Variants in RAD23A observed in about 807,000 individuals in gnomAD.
RAD23A encodes RAD23 nucleotide excision repair protein A.
Under a neutral mutation model 44.8 loss-of-function variants are expected in RAD23A, and 16 were observed. The ratio of observed to expected loss-of-function variants is 0.36; its 90% CI spans 0.24 to 0.54. The LOEUF (loss-of-function observed/expected upper bound fraction) is 0.54, where lower values mean the gene tolerates loss of function less well. Among genes scored for constraint, RAD23A ranks in the 20% least tolerant of loss-of-function variants. The pLI is 0.89. For synonymous variants in RAD23A, 217 were observed against 202.9 expected (o/e 1.07, Z -0.59); for missense variants, 380 against 483.3 (o/e 0.79, Z 2.00).
intron 1 of RAD23A, among the ~76,000 whole-genome samples, chr19:12,947,301 C>T (rs1445677334): frequency 6.6e-6 from 1 of 152,058 alleles, no homozygotes; most frequent in Admixed American, 6.6e-5. Flanking sequence ...GTGGTGTGTA[C>T]CTTTAGTCCT....
At chr19:12,946,420 C>T (rs1971675501) in intron 1 of RAD23A, among the ~76,000 whole-genome samples, 2 of 152,222 alleles carry the variant, frequency 1.3e-5, no homozygotes, top group South Asian at 4.1e-4. Flanking sequence ...CCAGGAGATA[C>T]TGAGTAGTGA....
intron 7 of RAD23A, among the ~76,000 whole-genome samples, chr19:12,950,209 T>G (rs1971772263): frequency 6.6e-6 from 1 of 152,038 alleles, no homozygotes; most frequent in African/African-American, 2.4e-5. Context: ...CTCCCCGATC[T>G]CTGCAAGGAT....
chr19:12,945,866 C>T lies in RAD23A; in HGVS notation c.-83C>T. The T allele has an allele frequency of 4.1e-6, 6 of 1,466,834 alleles. No homozygotes were observed. In the Admixed American group the frequency reaches 9.0e-5, roughly 22 times the overall value. 90.9% of individuals were successfully genotyped at this position (1,466,834 alleles called of 1,614,324 possible). A position where few individuals can be genotyped will look rare whatever the true frequency, so the allele number is the denominator to read the frequency against. On this transcript the variant is annotated 5_prime_UTR_variant, in exon 1 of 9. Transcript: ENST00000586534. ...CGGAAGTGGTCGGCGCGCGGCGCGG[C>T]GCGCCTGGGCGCTAAGATGGCGGCG...
At position 12,945,971 on chromosome 19, in the gene RAD23A, A is replaced by G. The variant is rs1312576686; in HGVS notation, c.23A>G (p.Lys8Arg). Reference protein sequence around the residue: MAVTITLKTLQQQTFKIR... With the variant: MAVTITLRTLQQQTFKIR... ...GCCATGGCCGTCACCATCACGCTCA[A>G]AACGCTGCAGCAGCAGACCTTCAAG... Residue 8 changes from lysine to arginine, a missense_variant, in exon 1 of 9, where the codon AAA (lysine) becomes AGA (arginine). Physicochemically the swap from Lys to Arg is conservative, Grantham distance 26. Around this residue, in one of 3 missense-constraint regions of RAD23A, gnomAD observed 70 missense variants for 106.0 expected, o/e 0.66. Transcript: ENST00000586534. The G allele has an allele frequency of 1.9e-6, 3 of 1,607,832 alleles. No individual in the cohort carries two copies. The highest frequency in any genetic ancestry group is 3.3e-5 in the Admixed American group (2 of 59,882).
chr19:12,946,845 C>G (rs1438804842), intron 1 of RAD23A, among the ~76,000 whole-genome samples: 1 of 152,018 alleles, frequency 6.6e-6, no homozygotes. Flanking sequence ...TTTTTTGATC[C>G]GCTCAAGTGT....
In RAD23A at chr19:12,945,892, G is replaced by C; in HGVS notation, c.-57G>C. 6.4e-7 allele frequency: 1 copy of C among 1,566,836 alleles called. No individual in the cohort carries two copies. The highest frequency in any genetic ancestry group is 1.7e-5 in the Admixed American group (1 of 59,102). On this transcript the variant is annotated 5_prime_UTR_variant, in exon 1 of 9. Transcript: ENST00000586534. ...GCGCCTGGGCGCTAAGATGGCGGCG[G>C]CGTGAGTTGCATGTTGTGTGAGGAT...
chr19:12,947,753 T>G, intron 1 of RAD23A, 95 bp from the exon 2 acceptor site: 2 of 1,295,626 alleles, frequency 1.5e-6, no homozygotes, highest in East Asian at 2.3e-5. Flanking sequence ...CGTGCTTGCC[T>G]TTCTGCCATC....
chr19:12,951,608 T>G (rs988662764), intron 7 of RAD23A, among the ~76,000 whole-genome samples: 1 of 151,756 alleles, frequency 6.6e-6, no homozygotes, highest in Non-Finnish European at 1.5e-5. Context: ...CACCACGCCC[T>G]GCTAATTTTA....
chr19:12,947,823 T>G, intron 1 of RAD23A, 25 bp from the exon 2 acceptor site: 1 of 1,609,996 alleles, frequency 6.2e-7, no homozygotes. Context: ...GGGTCTCCAG[T>G]GACTGTCTGT....
chr19:12,951,097 C>A (rs1405701444), intron 7 of RAD23A, among the ~76,000 whole-genome samples: 2 of 152,266 alleles, frequency 1.3e-5, no homozygotes, highest in Admixed American at 1.3e-4. Flanking sequence ...AAATGAACTT[C>A]CAGATACCTA....
Position 12,948,597 on chromosome 19 carries a change from C to T in RAD23A, c.472+45C>T. ...GGCAGAGGTGACTGGGTGCCCCAGCCATCAGCTGGGCCTTGTCTGGGTGCG... is the reference window on the plus strand; with the variant it reads ...GGCAGAGGTGACTGGGTGCCCCAGCTATCAGCTGGGCCTTGTCTGGGTGCG... On this transcript the variant is annotated intron_variant, in intron 4 of 8. Transcript: ENST00000586534. This position sits in a 1 kb window ranked among gnomAD's most constrained non-coding sequence, Gnocchi z 5.5. The T allele has an allele frequency of 6.4e-7, 1 of 1,574,164 alleles. No individual in the cohort carries two copies. Among genetic ancestry groups the T allele is most frequent in the Non-Finnish European group, 8.6e-7 (1 of 1,159,652 alleles).
intron 8 of RAD23A, 32 bp downstream of exon 8, chr19:12,952,885 T>G (rs909550017): frequency 5.6e-6 from 9 of 1,605,002 alleles, no homozygotes; most frequent in Non-Finnish European, 7.7e-6. Flanking sequence ...TGACTGCAGG[T>G]GGGCAGGACC....
chr19:12,951,638 A>G (rs1217067033), intron 7 of RAD23A, among the ~76,000 whole-genome samples: 1 of 151,804 alleles, frequency 6.6e-6, no homozygotes, highest in Non-Finnish European at 1.5e-5. Context: ...TAGAGATGGG[A>G]TTTCTCCATG....
chr19:12,951,810 A>G (rs1971820072), intron 7 of RAD23A, among the ~76,000 whole-genome samples: 1 of 152,146 alleles, frequency 6.6e-6, no homozygotes, highest in Admixed American at 6.5e-5. Context: ...GGGCCTTTGC[A>G]CTTGCTGTTT....
At chr19:12,951,937 C>T (rs918034734) in intron 7 of RAD23A, among the ~76,000 whole-genome samples, 1 of 151,638 alleles carries the variant, frequency 6.6e-6, no homozygotes, top group African/African-American at 2.4e-5. Context: ...TATTGGCTCA[C>T]TCACTTATTT....
chr19:12,948,935 C>T lies in RAD23A; in HGVS notation c.600+122C>T. ...AGCCTTTGGGTAGTGATTCTAGCCACTAAAGGCTTCCCACAGGAGGCTGGA... is the reference window on the plus strand; with the variant it reads ...AGCCTTTGGGTAGTGATTCTAGCCATTAAAGGCTTCCCACAGGAGGCTGGA... On this transcript the variant is annotated intron_variant, in intron 5 of 8. Coordinates refer to ENST00000586534, the MANE Select transcript of RAD23A (RefSeq NM_005053.4). The surrounding 1 kb of genome is among the most constrained non-coding windows in gnomAD (Gnocchi z 5.5). 6.5e-7 allele frequency: 1 copy of T among 1,536,458 alleles called. No homozygotes were observed. Among genetic ancestry groups the T allele is most frequent in the South Asian group, 1.2e-5 (1 of 84,362 alleles).
intron 7 of RAD23A, among the ~76,000 whole-genome samples, chr19:12,951,508 G>A (rs1338576770): frequency 6.6e-6 from 1 of 150,944 alleles, no homozygotes; most frequent in Non-Finnish European, 1.5e-5. Context: ...GTGCAGTGGC[G>A]TGATCTCAGC....
Sources: allele counts gnomAD v4.1 joint callset (sites outside exome capture counted in the v4.1 genomes callset), GRCh38; gene constraint gnomAD v4.1.1; regional missense constraint gnomAD v4.1.1; non-coding constraint Gnocchi (gnomAD v3.1); transcripts MANE v1.5; gene names NCBI Gene and HGNC (gene_info 2026-07-23, HGNC 2026-07-21).